ELOVL2: variants seen among roughly 807,000 people sequenced by gnomAD.
ELOVL2 encodes the protein ELOVL fatty acid elongase 2, also known as very long chain fatty acid elongase 2.
Under a neutral mutation model 37.7 loss-of-function variants are expected in ELOVL2, and 38 were observed. That is an observed-to-expected ratio of 1.01 (90% confidence interval 0.78 to 1.32). The LOEUF is 1.32. Among genes scored for constraint, ELOVL2 ranks in the 40% most tolerant of loss-of-function variants. ELOVL2 has a pLI of 0.00. For synonymous variants in ELOVL2, 115 were observed against 122.3 expected, an observed-to-expected ratio of 0.94 and a Z score of 0.40; for missense variants, 352 against 363.6, an observed-to-expected ratio of 0.97 and a Z score of 0.26.
intron 3 of ELOVL2, among the ~76,000 whole-genome samples, chr6:11,002,999 G>A (rs1214432607): frequency 6.6e-6 from 1 of 152,184 alleles, no homozygotes; most frequent in Non-Finnish European, 1.5e-5. Context: ...AAGTTAAACT[G>A]CTGTAAAATT....
chr6:11,038,702 C>G (rs1364465564), intron 1 of ELOVL2, among the ~76,000 whole-genome samples: 1 of 151,856 alleles, frequency 6.6e-6, no homozygotes, highest in Non-Finnish European at 1.5e-5. Flanking sequence ...ATAACCTGGC[C>G]CTTTCCACAA....
At chr6:11,037,701 C>T (rs993699566) in intron 1 of ELOVL2, among the ~76,000 whole-genome samples, 1 of 152,100 alleles carries the variant, frequency 6.6e-6, no homozygotes, top group Non-Finnish European at 1.5e-5. Context: ...CCATTTTATC[C>T]AAAAGAAAGC....
intron 1 of ELOVL2, among the ~76,000 whole-genome samples, chr6:11,026,621 T>C (rs1264175368): frequency 2.6e-5 from 4 of 152,028 alleles, no homozygotes; most frequent in Non-Finnish European, 4.4e-5. Context: ...TAACTAGGAG[T>C]TGCAGGGAAA....
chr6:11,005,522 G>A lies in ELOVL2; in HGVS notation c.105C>T (p.Tyr35=). 6.2e-7 allele frequency: 1 copy of A among 1,614,002 alleles called. No individual in the cohort carries two copies. The highest frequency in any genetic ancestry group is 8.5e-7 in the Non-Finnish European group (1 of 1,179,948). ...RVRGWFMLDS[Y]LPTFFLTVMY... ...TGACAGTAAGAAAAAAGGTAGGAAG[G>A]TAAGAGTCCAACATGAACCACCCTC... Residue 35 remains tyrosine (Y), a synonymous_variant, in exon 3 of 8, where the codon TAC becomes TAT. Transcript: ENST00000354666.
In ELOVL2 at chr6:11,010,763, T is replaced by C. The variant is rs764130582; in HGVS notation, c.50A>G (p.Asn17Ser). Residue 17 changes from asparagine to serine, a missense_variant, in exon 2 of 8, where the codon AAT becomes AGT. Coordinates refer to ENST00000354666, the MANE Select transcript of ELOVL2 (RefSeq NM_017770.4). ...FDDEINAFLD[N>S]MFGPRDSRVR... ...TCACTGACCTCGCGGTCCAAACATA[T>C]TGTCCAAAAAAGCATTGATTTCATC... 1.9e-6 allele frequency: 3 copies of C among 1,612,876 alleles called. No individual in the cohort carries two copies. The highest frequency in any genetic ancestry group is 1.6e-4 in the Middle Eastern group (1 of 6,062).
At chr6:11,007,443 G>T (rs1315236801) in intron 2 of ELOVL2, among the ~76,000 whole-genome samples, 1 of 152,120 alleles carries the variant, frequency 6.6e-6, no homozygotes, top group African/African-American at 2.4e-5. Context: ...AGATTGGAGT[G>T]ATGCATCTCC....
intron 2 of ELOVL2, among the ~76,000 whole-genome samples, chr6:11,008,213 T>C (rs1581870018): frequency 1.3e-5 from 2 of 152,310 alleles, no homozygotes; most frequent in Admixed American, 1.3e-4. Flanking sequence ...AGTGTGGAGC[T>C]CATCTGATTC....
intron 1 of ELOVL2, among the ~76,000 whole-genome samples, chr6:11,030,961 G>C (rs1782922062): frequency 6.6e-6 from 1 of 152,066 alleles, no homozygotes; most frequent in Non-Finnish European, 1.5e-5. Flanking sequence ...TCCAGTCTAT[G>C]GTTTTATATA....
chr6:11,010,544 T>TA (rs1395108575), intron 2 of ELOVL2, among the ~76,000 whole-genome samples: 1 of 152,232 alleles, frequency 6.6e-6, no homozygotes, highest in East Asian at 1.9e-4. Flanking sequence ...AGAACTTCTT[T>TA]AATCCCAGGA....
chr6:11,010,675 A>T, intron 2 of ELOVL2, 71 bp downstream of exon 2: 1 of 1,211,642 alleles, frequency 8.3e-7, no homozygotes, highest in South Asian at 1.3e-5. Context: ...AAATAACATA[A>T]TCCCTTTCTA....
intron 1 of ELOVL2, among the ~76,000 whole-genome samples, chr6:11,033,913 T>C (rs1462740492): frequency 6.6e-6 from 1 of 152,240 alleles, no homozygotes; most frequent in Non-Finnish European, 1.5e-5. Flanking sequence ...ATTGTAAAGA[T>C]AAACATGATT....
intron 6 of ELOVL2, 72 bp from the exon 7 acceptor site, chr6:10,989,909 A>G: frequency 6.4e-7 from 1 of 1,569,960 alleles, no homozygotes; most frequent in South Asian, 1.1e-5. Flanking sequence ...GCCAAGCTTG[A>G]TCAATTCAGA....
chr6:11,036,014 T>C (rs188105127), intron 1 of ELOVL2, among the ~76,000 whole-genome samples: 77 of 152,324 alleles, frequency 5.1e-4, no homozygotes, highest in Non-Finnish European at 5.3e-4. Flanking sequence ...AGAGCATATT[T>C]CTTTCCTTCA....
Position 11,005,483 on chromosome 6 carries a change from T to G in ELOVL2, c.144A>C (p.Ser48=), listed in dbSNP as rs887736421. 1 of 1,613,992 alleles carries G rather than the reference T, an allele frequency of 6.2e-7. No individual in the cohort carries two copies. The highest frequency in any genetic ancestry group is 8.5e-7 in the Non-Finnish European group (1 of 1,179,994). ...TCATATACTTGTTACCCAGCCATAT[T>G]GAGAGCAGATACATGACAGTAAGAA... ...TFFLTVMYLL[S]IWLGNKYMKN... The change falls in exon 3 of 8, where the codon TCA becomes TCC. Residue 48 remains serine (S), a synonymous_variant. Coordinates refer to ENST00000354666, the MANE Select transcript of ELOVL2 (RefSeq NM_017770.4).
intron 1 of ELOVL2, among the ~76,000 whole-genome samples, chr6:11,016,784 G>A (rs534402374): frequency 6.6e-6 from 1 of 151,908 alleles, no homozygotes; most frequent in South Asian, 2.1e-4. Flanking sequence ...GAAACTAAAT[G>A]TGTTCACCTT....
chr6:10,990,384 T>G lies in ELOVL2; in HGVS notation c.564A>C (p.Gly188=). 2 of 1,612,706 alleles carry G rather than the reference T, an allele frequency of 1.2e-6. No homozygotes were observed. The highest frequency in any genetic ancestry group is 8.5e-7 in the Non-Finnish European group (1 of 1,179,462). The part of the protein sequence containing the change: ...FIHILMYSYY[G]LSVFPSMHKY... ...TGTGCATAGATGGAAACACAGAAAG[T>G]CCATAGTAGGAGTACATAAGAATGT... The change falls in exon 6 of 8, where the codon GGA becomes GGC. Residue 188 remains glycine (G), a synonymous_variant. Transcript: ENST00000354666.
intron 1 of ELOVL2, among the ~76,000 whole-genome samples, chr6:11,019,239 A>G (rs1409105310): frequency 6.6e-6 from 1 of 152,174 alleles, no homozygotes. Flanking sequence ...TCCCTATTGA[A>G]TATTTCTTCA....
intron 1 of ELOVL2, among the ~76,000 whole-genome samples, chr6:11,025,357 G>A (rs1256790889): frequency 1.3e-5 from 2 of 152,128 alleles, no homozygotes; most frequent in South Asian, 2.1e-4. Context: ...TGGCGCCAAT[G>A]TCTAAAGTAT....
chr6:10,993,231 T>C (rs533805176), intron 5 of ELOVL2, among the ~76,000 whole-genome samples: 19 of 152,326 alleles, frequency 1.2e-4, no homozygotes, highest in African/African-American at 4.6e-4. Flanking sequence ...GAATACAGAA[T>C]TATGAACCAG....
Sources: allele counts gnomAD v4.1 joint callset (sites outside exome capture counted in the v4.1 genomes callset), GRCh38; gene constraint gnomAD v4.1.1; transcripts MANE v1.5; gene names NCBI Gene and HGNC (gene_info 2026-07-23, HGNC 2026-07-21).